Variants in UPF2 observed in about 807,000 individuals in gnomAD.
UPF2 encodes the protein UPF2 regulator of nonsense mediated mRNA decay, also known as regulator of nonsense transcripts 2.
In UPF2, 17 loss-of-function variants were observed where a neutral mutation model predicts 141.4. The observed-to-expected ratio is 0.12, with a 90% CI of 0.08 to 0.18. The LOEUF is 0.18. UPF2 is among the 10% of genes least tolerant of loss of function. The pLI is 1.00. For missense variants in UPF2, 1,152 were observed against 1,515.9 expected, an observed-to-expected ratio of 0.76 and a Z score of 3.99; for synonymous variants, 540 against 498.0, an observed-to-expected ratio of 1.08 and a Z score of -1.12.
intron 10 of UPF2, among the ~76,000 whole-genome samples, chr10:11,965,809 GTTTAAT>G (rs1321069366): frequency 6.6e-6 from 1 of 151,830 alleles, no homozygotes; most frequent in Non-Finnish European, 1.5e-5. Flanking sequence ...AAAAAAAACT[GTTTAAT>G]TTTGTTTACC....
chr10:12,017,627 T>C lies in UPF2; in HGVS notation c.1146-3443A>G, dbSNP rs181024841. 5.3e-5 allele frequency among the ~76,000 whole-genome samples: 8 copies of C among 152,344 alleles called. No homozygotes were observed. In the East Asian group the frequency reaches 1.5e-3, roughly 29 times the overall value. On this transcript the variant is annotated intron_variant, in intron 3 of 21. Coordinates refer to ENST00000357604, the MANE Select transcript of UPF2 (RefSeq NM_015542.4). ...ATCAAATGCATTAACAGCACTAACTTACCTAACTAATGAGTGTGTACTTAA... is the reference window on the plus strand; with the variant it reads ...ATCAAATGCATTAACAGCACTAACTCACCTAACTAATGAGTGTGTACTTAA...
intron 9 of UPF2, among the ~76,000 whole-genome samples, chr10:11,974,840 A>G (rs999117757): frequency 6.6e-6 from 1 of 152,148 alleles, no homozygotes; most frequent in Non-Finnish European, 1.5e-5. Context: ...GCATAAGACT[A>G]TTTATCTACT....
intron 3 of UPF2, among the ~76,000 whole-genome samples, chr10:12,018,177 G>A (rs544655320): frequency 6.6e-6 from 1 of 152,318 alleles, no homozygotes; most frequent in East Asian, 1.9e-4. Context: ...GCCAGGCACA[G>A]CGGCTAACGC....
At chr10:11,960,338 G>A (rs1031746209) in intron 11 of UPF2, among the ~76,000 whole-genome samples, 21 of 152,130 alleles carry the variant, frequency 1.4e-4, no homozygotes, top group Non-Finnish European at 2.6e-4. Flanking sequence ...CTTGAGATCA[G>A]GAGTTTGAGA....
At chr10:11,961,772 T>C (rs931951887) in intron 11 of UPF2, among the ~76,000 whole-genome samples, 1 of 152,218 alleles carries the variant, frequency 6.6e-6, no homozygotes, top group Non-Finnish European at 1.5e-5. Flanking sequence ...TGAATGAATT[T>C]TTAAAAACAT....
At position 12,035,093 on chromosome 10, in the gene UPF2, G is replaced by A. The variant is rs768492073; in HGVS notation, c.331C>T (p.Arg111Cys). 124 of 1,581,174 alleles carry A rather than the reference G, an allele frequency of 7.8e-5. No individual in the cohort carries two copies. The highest frequency in any genetic ancestry group is 3.4e-4 in the Middle Eastern group (2 of 5,916). Residue 111 changes from arginine to cysteine, a missense_variant, in exon 2 of 22, where the codon CGT becomes TGT. Physicochemically the swap from Arg to Cys is radical, Grantham distance 180 (BLOSUM62 -3). Around this residue, in one of 4 missense-constraint regions of UPF2, gnomAD observed 145 missense variants for 136.5 expected, o/e 1.06. Coordinates refer to ENST00000357604, the MANE Select transcript of UPF2 (RefSeq NM_015542.4). ...GCAGCTGCTTCTTCTTCTTGCTGAC[G>A]TTTGGCCTGCTCTTCTTGCTTCTTT... is the stretch of plus-strand genomic sequence containing the variant. ...ERKKQEEQAK[R>C]QQEEEAAAQM...
intron 4 of UPF2, among the ~76,000 whole-genome samples, chr10:12,012,626 C>T (rs925975900): frequency 2.0e-5 from 3 of 151,546 alleles, no homozygotes; most frequent in Non-Finnish European, 2.9e-5. Context: ...GGTGAAACCC[C>T]GTCTCTACTA....
At chr10:12,034,426 G>T (rs1834584905) in intron 2 of UPF2, among the ~76,000 whole-genome samples, 2 of 151,902 alleles carry the variant, frequency 1.3e-5, no homozygotes, top group Non-Finnish European at 1.5e-5. Context: ...AGGTTCAAGC[G>T]ATTCTCCTAC....
chr10:11,973,753 T>C (rs1282172052), intron 9 of UPF2, among the ~76,000 whole-genome samples: 2 of 152,238 alleles, frequency 1.3e-5, no homozygotes, highest in East Asian at 3.8e-4. Context: ...TATCTCTATT[T>C]TGGTACCAGT....
At chr10:11,988,719 T>C (rs2131245583) in intron 8 of UPF2, among the ~76,000 whole-genome samples, 2 of 152,260 alleles carry the variant, frequency 1.3e-5, no homozygotes, top group Admixed American at 1.3e-4. Context: ...TCTCCCAAAG[T>C]GTTCCAGCCT....
rs1459488465 is a variant in UPF2 at position 11,992,084 on chromosome 10, CAGTGAGCCA to C, written c.1844+5579_1844+5587del. ...TCGCTTGAACTGGAGGCAGAGGTTG[CAGTGAGCCA>C]AGATCGCGCCACTGCACTCCAGCAT... On this transcript the variant is annotated intron_variant, in intron 8 of 21. Coordinates refer to ENST00000357604, the MANE Select transcript of UPF2 (RefSeq NM_015542.4). This position sits in a 1 kb window ranked among gnomAD's most constrained non-coding sequence, Gnocchi z 4.1. 6.6e-6 allele frequency among the ~76,000 whole-genome samples: 1 copy of C among 151,728 alleles called. No homozygotes were observed. Among genetic ancestry groups the C allele is most frequent in the Non-Finnish European group, 1.5e-5 (1 of 67,972 alleles).
intron 2 of UPF2, among the ~76,000 whole-genome samples, chr10:12,033,048 C>G (rs1361941494): frequency 2.6e-5 from 4 of 152,104 alleles, no homozygotes; most frequent in Non-Finnish European, 2.9e-5. Context: ...AAGAACAACT[C>G]TGAGAAGAAA....
intron 16 of UPF2, among the ~76,000 whole-genome samples, chr10:11,947,033 C>G (rs1833009560): frequency 6.6e-6 from 1 of 152,224 alleles, no homozygotes; most frequent in Admixed American, 6.5e-5. Flanking sequence ...GAAACCCCAT[C>G]TCTACTAAAA....
At chr10:12,027,477 A>G (rs11257489) in intron 3 of UPF2, among the ~76,000 whole-genome samples, 32,599 of 152,128 alleles carry the variant, frequency 0.21, 3,864 homozygotes, top group East Asian at 0.46. Context: ...TATGGAAATC[A>G]TAATTAAGCC....
At chr10:12,038,378 TCACACACACACACACACA>T (rs200544672) in intron 1 of UPF2, among the ~76,000 whole-genome samples, 2 of 135,844 alleles carry the variant, frequency 1.5e-5, no homozygotes, top group Admixed American at 7.5e-5. Flanking sequence ...AGACTCCATC[TCACACACACACACACACA>T]CACACACACA....
chr10:11,993,985 T>C (rs1160491752), intron 8 of UPF2, among the ~76,000 whole-genome samples: 2 of 151,740 alleles, frequency 1.3e-5, no homozygotes, highest in Non-Finnish European at 2.9e-5. Flanking sequence ...CAGGACCCTG[T>C]CTCTAAAAAA....
At chr10:12,037,179 G>A (rs1179207043) in intron 1 of UPF2, among the ~76,000 whole-genome samples, 5 of 152,130 alleles carry the variant, frequency 3.3e-5, no homozygotes, top group Non-Finnish European at 4.4e-5. Flanking sequence ...CGACCTCGCA[G>A]GCTCAAGTGA....
In UPF2 at chr10:11,942,656, A is replaced by G; in HGVS notation, c.3378+9T>C. ...GAGAAGAGTCTTTGAAACAAATGAC[A>G]TTTAATACCTGTAGATTTTCTAGCA... On this transcript the variant is annotated intron_variant, in intron 18 of 21. Coordinates refer to ENST00000357604, the MANE Select transcript of UPF2 (RefSeq NM_015542.4). The G allele has an allele frequency of 6.2e-7, 1 of 1,611,834 alleles. No homozygotes were observed.
At chr10:12,010,465 ATTAAG>A (rs1834108137) in intron 4 of UPF2, among the ~76,000 whole-genome samples, 3 of 152,362 alleles carry the variant, frequency 2.0e-5, no homozygotes, top group South Asian at 2.1e-4. Context: ...TCTAAATGGA[ATTAAG>A]TTATTAGACA....
Sources: gnomAD v4.1 joint callset for allele counts (sites outside exome capture counted in the v4.1 genomes callset) on GRCh38, gnomAD v4.1.1 for gene constraint, gnomAD v4.1.1 regional missense constraint, Gnocchi (gnomAD v3.1) non-coding constraint, MANE v1.5 for transcripts, NCBI Gene and HGNC (gene_info 2026-07-23, HGNC 2026-07-21) for gene names.